PDK1: variants seen among roughly 807,000 people sequenced by gnomAD.
The protein encoded by PDK1 is [Pyruvate dehydrogenase (acetyl-transferring)] kinase isozyme 1, mitochondrial.
A neutral mutation model predicts 54.2 loss-of-function variants in PDK1; 39 were observed. That is an observed-to-expected ratio of 0.72 (90% CI 0.56 to 0.94). PDK1 has a LOEUF of 0.94. PDK1 is among the 40% of genes least tolerant of loss of function. The pLI is 0.00. For missense variants in PDK1, 552 were observed against 566.0 expected (o/e 0.98, Z 0.25); for synonymous variants, 221 against 207.1 (o/e 1.07, Z -0.58).
the PDK1 span, among the ~76,000 whole-genome samples, chr2:172,659,077 A>C: frequency 6.6e-6 from 1 of 151,824 alleles, no homozygotes; most frequent in Non-Finnish European, 1.5e-5. Flanking sequence ...TCCCCTTTTG[A>C]AGTCCTTAAT....
At chr2:172,720,015 G>T in the PDK1 span, among the ~76,000 whole-genome samples, 1 of 151,910 alleles carries the variant, frequency 6.6e-6, no homozygotes, top group Non-Finnish European at 1.5e-5. Flanking sequence ...CTCTTCTTCT[G>T]CTAGGCTATT....
the PDK1 span, among the ~76,000 whole-genome samples, chr2:172,645,219 A>G: frequency 8.0e-5 from 12 of 150,152 alleles, no homozygotes; most frequent in Admixed American, 8.0e-4. Flanking sequence ...ACATTGGATA[A>G]ACATTTAAAA....
At chr2:172,621,758 T>TCATATATGTCATATGTTTATATCG in the PDK1 span, among the ~76,000 whole-genome samples, 1 of 144,604 alleles carries the variant, frequency 6.9e-6, no homozygotes, top group African/African-American at 2.6e-5. Context: ...TGTTTATATC[T>TCATATATGTCATATGTTTATATCG]CATATATGTC....
At chr2:172,567,319 T>C (rs1689012426) in intron 6 of PDK1, among the ~76,000 whole-genome samples, 3 of 152,312 alleles carry the variant, frequency 2.0e-5, no homozygotes, top group Non-Finnish European at 4.4e-5. Flanking sequence ...GTTGAGGACA[T>C]AGACTGGGGT....
the PDK1 span, among the ~76,000 whole-genome samples, chr2:172,665,056 G>C: frequency 1.8e-4 from 27 of 152,278 alleles, no homozygotes; most frequent in African/African-American, 6.5e-4. Context: ...GATAGAGAGA[G>C]TTGTGAATCC....
chr2:172,575,652 T>C (rs1306720189), intron 8 of PDK1, among the ~76,000 whole-genome samples: 1 of 151,316 alleles, frequency 6.6e-6, no homozygotes, highest in African/African-American at 2.4e-5. Context: ...CAAAACTCCA[T>C]CTCTACTAAA....
chr2:172,627,974 C>T, the PDK1 span, among the ~76,000 whole-genome samples: 3 of 152,200 alleles, frequency 2.0e-5, no homozygotes, highest in Non-Finnish European at 2.9e-5. Flanking sequence ...CACCCATGAG[C>T]TGGACCTAAC....
the PDK1 span, among the ~76,000 whole-genome samples, chr2:172,701,485 T>A: frequency 6.6e-6 from 1 of 152,164 alleles, no homozygotes; most frequent in Non-Finnish European, 1.5e-5. Context: ...AGAGTTAGAA[T>A]CTGGGCAAGA....
At chr2:172,655,889 G>A in the PDK1 span, among the ~76,000 whole-genome samples, 1 of 152,176 alleles carries the variant, frequency 6.6e-6, no homozygotes, top group East Asian at 1.9e-4. Flanking sequence ...GGTCACACAT[G>A]TACTTGAATG....
chr2:172,589,218 G>C (rs1690432332), intron 9 of PDK1, among the ~76,000 whole-genome samples: 3 of 152,200 alleles, frequency 2.0e-5, no homozygotes, highest in Admixed American at 2.0e-4. Context: ...CCACTTCTAA[G>C]ACCAGTTAAT....
At chr2:172,592,841 A>T in intron 9 of PDK1, 94 bp from the exon 10 acceptor site, 1 of 635,212 alleles carries the variant, frequency 1.6e-6, no homozygotes, top group Admixed American at 2.4e-5. Flanking sequence ...GCGGGCTCTG[A>T]TAGCCCCGTG....
At chr2:172,664,175 G>A in the PDK1 span, among the ~76,000 whole-genome samples, 2 of 151,770 alleles carry the variant, frequency 1.3e-5, no homozygotes, top group Non-Finnish European at 2.9e-5. Flanking sequence ...GCCGGGCATG[G>A]TGGCACGCAC....
At chr2:172,667,057 T>G in the PDK1 span, among the ~76,000 whole-genome samples, 1 of 152,236 alleles carries the variant, frequency 6.6e-6, no homozygotes, top group African/African-American at 2.4e-5. Context: ...GGGCTTTTCG[T>G]GTAACCATCA....
the PDK1 span, among the ~76,000 whole-genome samples, chr2:172,688,163 C>T: frequency 6.6e-6 from 1 of 152,206 alleles, no homozygotes; most frequent in Non-Finnish European, 1.5e-5. Context: ...GACAGGATAG[C>T]ACCTATCCTT....
chr2:172,672,032 C>G, the PDK1 span, among the ~76,000 whole-genome samples: 1 of 152,130 alleles, frequency 6.6e-6, no homozygotes, highest in African/African-American at 2.4e-5. Flanking sequence ...AAGATAAGCA[C>G]CATGAGTTGG....
intron 8 of PDK1, among the ~76,000 whole-genome samples, chr2:172,581,012 G>A (rs1689873018): frequency 6.6e-6 from 1 of 152,046 alleles, no homozygotes; most frequent in Admixed American, 6.6e-5. Context: ...AATTGACAGT[G>A]GTAATGGTTG....
Position 172,564,491 on chromosome 2 carries a change from G to A in PDK1, c.411-12G>A. The A allele has an allele frequency of 6.3e-7, 1 of 1,596,082 alleles. No individual in the cohort carries two copies. Among genetic ancestry groups the A allele is most frequent in the Non-Finnish European group, 8.6e-7 (1 of 1,166,446 alleles). ...AAAATATTTGGCTGTTTTGACAGAT[G>A]GGTTTGTTTAGCTTTACAGATACTG... On this transcript the variant is annotated splice_polypyrimidine_tract_variant and intron_variant, in intron 3 of 10. Transcript: ENST00000282077.
At chr2:172,571,823 C>CTTTTTTT (rs36031428) in intron 8 of PDK1, among the ~76,000 whole-genome samples, 1 of 99,798 alleles carries the variant, frequency 1.0e-5, no homozygotes, top group Non-Finnish European at 2.0e-5. Flanking sequence ...TCTTTCTTTA[C>CTTTTTTT]TTTTTTTTTT....
intron 3 of PDK1, 48 bp downstream of exon 3, chr2:172,562,339 T>C: frequency 9.2e-7 from 1 of 1,089,206 alleles, no homozygotes; most frequent in Middle Eastern, 2.1e-4. Flanking sequence ...ATTAGGTCAC[T>C]TGGGGGAAAT....
Sources: allele counts gnomAD v4.1 joint callset (sites outside exome capture counted in the v4.1 genomes callset), GRCh38; gene constraint gnomAD v4.1.1; transcripts MANE v1.5; gene names NCBI Gene and HGNC (gene_info 2026-07-23, HGNC 2026-07-21).